Variants in NADK2 observed in about 807,000 individuals in gnomAD.
NADK2 encodes the protein NAD kinase domain-containing protein 1, mitochondrial.
Under a neutral mutation model 62.1 loss-of-function variants are expected in NADK2, and 35 were observed. That is an observed-to-expected ratio of 0.56 (90% CI 0.43 to 0.75). NADK2 has a LOEUF of 0.75. NADK2 is among the 30% of genes least tolerant of loss of function. NADK2 has a pLI of 0.00. For synonymous variants in NADK2, 205 were observed against 207.9 expected (o/e 0.99, Z 0.12); for missense variants, 439 against 561.3 (o/e 0.78, Z 2.20).
Position 36,193,043 on chromosome 5 carries a change from A to G in NADK2, c.*2101T>C, listed in dbSNP as rs556460303. The G allele has an allele frequency of 3.9e-5, 6 of 152,338 alleles. No homozygotes were observed. In the East Asian group the frequency reaches 5.8e-4, roughly 15 times the overall value. 9.4% of individuals were successfully genotyped at this position (152,338 alleles called of 1,614,324 possible). A position where few individuals can be genotyped will look rare whatever the true frequency, so the allele number is the denominator to read the frequency against. ...GAAATTATATCACAAATGGAGCACA[A>G]TAAGTATTTTTAAAACCTTTTAAAA... On this transcript the variant is annotated 3_prime_UTR_variant, in exon 12 of 12. Coordinates refer to ENST00000381937, the MANE Select transcript of NADK2 (RefSeq NM_001085411.3).
intron 10 of NADK2, among the ~76,000 whole-genome samples, chr5:36,198,652 T>C (rs960596218): frequency 1.3e-5 from 2 of 148,578 alleles, no homozygotes; most frequent in South Asian, 2.1e-4. Flanking sequence ...ATACCTGATA[T>C]AAATTTCAGT....
At chr5:36,233,850 A>G (rs1376425983) in intron 1 of NADK2, among the ~76,000 whole-genome samples, 1 of 152,168 alleles carries the variant, frequency 6.6e-6, no homozygotes, top group Non-Finnish European at 1.5e-5. Context: ...TCCTTCACAC[A>G]TAAAAATTCT....
chr5:36,232,641 C>A (rs1747749782), intron 1 of NADK2, among the ~76,000 whole-genome samples: 1 of 152,178 alleles, frequency 6.6e-6, no homozygotes, highest in Admixed American at 6.5e-5. Context: ...CACTTACTTT[C>A]TCCCAGGCTC....
Position 36,194,762 on chromosome 5 carries a change from C to T in NADK2, c.*382G>A, listed in dbSNP as rs1746166406. 2 of 157,398 alleles carry T rather than the reference C, an allele frequency of 1.3e-5. No homozygotes were observed. Among genetic ancestry groups the T allele is most frequent in the Admixed American group, 1.3e-4 (2 of 15,388 alleles). The allele number at this position is 157,398 out of a possible 1,614,324, so 9.8% of individuals were successfully genotyped here. On this transcript the variant is annotated 3_prime_UTR_variant, in exon 12 of 12. Transcript: ENST00000381937. Reference sequence around the variant, plus strand: ...ATGCACTAATCAAATGATATGTGTTCAGTTCTGACAATCCCACAATTAGGA... The same window carrying T: ...ATGCACTAATCAAATGATATGTGTTTAGTTCTGACAATCCCACAATTAGGA...
At chr5:36,227,334 C>T (rs1747519833) in intron 2 of NADK2, 143 bp downstream of exon 2, 1 of 390,108 alleles carries the variant, frequency 2.6e-6, no homozygotes, top group Admixed American at 4.6e-5. Flanking sequence ...AAAATCAGAT[C>T]CATTAACCTT....
At chr5:36,213,179 T>C (rs1746913310) in intron 6 of NADK2, 2 of 152,194 alleles carry the variant, frequency 1.3e-5, no homozygotes, top group Non-Finnish European at 2.9e-5. Flanking sequence ...TGTCACCTCC[T>C]GCCTAAACCA....
At position 36,194,405 on chromosome 5, in the gene NADK2, C is replaced by T. The variant is rs368404287; in HGVS notation, c.*739G>A. The stretch of plus-strand genomic sequence containing the variant: ...AAAGATGGAAGAAACCTGTAAGACT[C>T]ATATCATTTTAAAAAAATTGACTTA... On this transcript the variant is annotated 3_prime_UTR_variant, in exon 12 of 12. Coordinates refer to ENST00000381937, the MANE Select transcript of NADK2 (RefSeq NM_001085411.3). 6.6e-6 allele frequency: 1 copy of T among 152,228 alleles called. No individual in the cohort carries two copies. Among genetic ancestry groups the T allele is most frequent in the African/African-American group, 2.4e-5 (1 of 41,558 alleles). The allele number at this position is 152,228 out of a possible 1,614,324, so 9.4% of individuals were successfully genotyped here.
intron 1 of NADK2, among the ~76,000 whole-genome samples, chr5:36,239,510 C>T (rs567577999): frequency 6.6e-6 from 1 of 152,240 alleles, no homozygotes; most frequent in South Asian, 2.1e-4. Context: ...CTGGCTTATC[C>T]CAAACAGCAT....
In NADK2 at chr5:36,226,534, T is replaced by G; in HGVS notation, c.419A>C (p.Lys140Thr). The change falls in exon 3 of 12, where the codon AAG becomes ACG. Residue 140 changes from lysine to threonine, a missense_variant. Coordinates refer to ENST00000381937, the MANE Select transcript of NADK2 (RefSeq NM_001085411.3). Reference protein sequence around the residue: ...RNEGIEVRLVKRREYDEETVR... With the variant: ...RNEGIEVRLVTRREYDEETVR... ...AGTCTCTTCATCATATTCTCTCCTC[T>G]TTACTAGACGAACCTCAATTCCCTC... The G allele has an allele frequency of 6.2e-7, 1 of 1,612,980 alleles. No homozygotes were observed. The highest frequency in any genetic ancestry group is 8.5e-7 in the Non-Finnish European group (1 of 1,179,488).
At chr5:36,223,224 G>A (rs763991245) in intron 4 of NADK2, among the ~76,000 whole-genome samples, 18 of 150,714 alleles carry the variant, frequency 1.2e-4, no homozygotes, top group Middle Eastern at 3.4e-3. Flanking sequence ...GGGGAGCCAC[G>A]ACAAAAAAAA....
At position 36,241,563 on chromosome 5, in the gene NADK2, C is replaced by G; in HGVS notation, c.236G>C (p.Arg79Pro). 1 of 1,556,804 alleles carries G rather than the reference C, an allele frequency of 6.4e-7. No homozygotes were observed. The highest frequency in any genetic ancestry group is 8.6e-7 in the Non-Finnish European group (1 of 1,161,004). ...GTACCGCTGCTGCTCGAACTCGTAC[C>G]GGGTGGTTTTGGCCACCACCACCAC... ...SRVVVVAKTT[R>P]YEFEQQRYRY... Residue 79 changes from arginine to proline, a missense_variant, in exon 1 of 12, where the codon CGG becomes CCG. Arg to Pro is a moderately radical substitution (Grantham distance 103). Coordinates refer to ENST00000381937, the MANE Select transcript of NADK2 (RefSeq NM_001085411.3). The surrounding 1 kb of genome is among the most constrained non-coding windows in gnomAD (Gnocchi z 4.9).
At chr5:36,222,513 T>C (rs1747311508) in intron 4 of NADK2, among the ~76,000 whole-genome samples, 14 of 152,172 alleles carry the variant, frequency 9.2e-5, no homozygotes, top group Admixed American at 7.2e-4. Context: ...CCTGTGGACA[T>C]ATGAGGACAG....
chr5:36,204,905 C>T (rs1395497179), intron 8 of NADK2, among the ~76,000 whole-genome samples: 1 of 151,906 alleles, frequency 6.6e-6, no homozygotes, highest in African/African-American at 2.4e-5. Flanking sequence ...ATTCATTACA[C>T]TATTTTGTCA....
intron 9 of NADK2, 68 bp downstream of exon 9, chr5:36,201,038 C>T: frequency 1.5e-6 from 2 of 1,350,436 alleles, no homozygotes; most frequent in Non-Finnish European, 2.1e-6. Context: ...TCAGCATTCA[C>T]TGGGGGTTCT....
intron 2 of NADK2, among the ~76,000 whole-genome samples, chr5:36,226,900 G>A (rs925492298): frequency 1.3e-5 from 2 of 151,892 alleles, no homozygotes; most frequent in African/African-American, 4.8e-5. Context: ...TACAAAAATG[G>A]TCCAGAAGAC....
At chr5:36,237,332 G>A (rs968747569) in intron 1 of NADK2, among the ~76,000 whole-genome samples, 6 of 151,594 alleles carry the variant, frequency 4.0e-5, no homozygotes, top group Admixed American at 3.3e-4. Flanking sequence ...CACAAATGCT[G>A]TTAGGCTAAA....
At position 36,193,681 on chromosome 5, in the gene NADK2, A is replaced by T. The variant is rs1746113754; in HGVS notation, c.*1463T>A. ...TGTCTACGCAGATACTTTAAGAAAA[A>T]TTGATTCTCTGGATATACATCAAAA... is the stretch of plus-strand genomic sequence containing the variant. On this transcript the variant is annotated 3_prime_UTR_variant, in exon 12 of 12. Transcript: ENST00000381937. 1 of 152,356 alleles carries T rather than the reference A, an allele frequency of 6.6e-6. No homozygotes were observed. The highest frequency in any genetic ancestry group is 1.5e-5 in the Non-Finnish European group (1 of 68,024). The allele number at this position is 152,356 out of a possible 1,614,324, so 9.4% of individuals were successfully genotyped here. A position where few individuals can be genotyped will look rare whatever the true frequency, so the allele number is the denominator to read the frequency against.
chr5:36,214,959 T>C (rs1239971419), intron 6 of NADK2, among the ~76,000 whole-genome samples: 1 of 152,196 alleles, frequency 6.6e-6, no homozygotes, highest in Non-Finnish European at 1.5e-5. Flanking sequence ...GCATTTACAT[T>C]GTGTTAGGTA....
chr5:36,241,243 T>A lies in NADK2; in HGVS notation c.300+256A>T, dbSNP rs924420968. 1.3e-5 allele frequency: 7 copies of A among 559,956 alleles called. No individual in the cohort carries two copies. Among genetic ancestry groups the A allele is most frequent in the East Asian group, 4.7e-5 (1 of 21,400 alleles). The allele number at this position is 559,956 out of a possible 1,614,324, so 34.7% of individuals were successfully genotyped here. A position where few individuals can be genotyped will look rare whatever the true frequency, so the allele number is the denominator to read the frequency against. On this transcript the variant is annotated intron_variant, in intron 1 of 11. Coordinates refer to ENST00000381937, the MANE Select transcript of NADK2 (RefSeq NM_001085411.3). The surrounding 1 kb of genome is among the most constrained non-coding windows in gnomAD (Gnocchi z 4.9). ...CTCTTCGCCCTCCCCGCGGCGCCCC[T>A]GCCTCCTAAGTCCCTGCATGAACCA...
Sources: gnomAD v4.1 joint callset for allele counts (sites outside exome capture counted in the v4.1 genomes callset) on GRCh38, gnomAD v4.1.1 for gene constraint, Gnocchi (gnomAD v3.1) non-coding constraint, MANE v1.5 for transcripts, NCBI Gene and HGNC (gene_info 2026-07-23, HGNC 2026-07-21) for gene names.